The following EEPD1 variants were observed in gnomAD, a reference collection of about 807,000 sequenced individuals.
The protein encoded by EEPD1 is endonuclease/exonuclease/phosphatase family domain containing 1, also known as endonuclease/exonuclease/phosphatase family domain-containing protein 1.
In EEPD1, 17 loss-of-function variants were observed where a neutral mutation model predicts 46.3. The ratio of observed to expected loss-of-function variants is 0.37; its 90% CI spans 0.25 to 0.55. The LOEUF (loss-of-function observed/expected upper bound fraction) is 0.55. Among genes scored for constraint, EEPD1 ranks in the 20% least tolerant of loss-of-function variants. The pLI, the probability that EEPD1 is intolerant of heterozygous loss-of-function variation, is 0.83. For missense variants in EEPD1, 673 were observed against 745.6 expected (o/e 0.90, Z 1.13); for synonymous variants, 313 against 315.6 (o/e 0.99, Z 0.09).
chr7:36,258,785 A>G (rs1451051880), intron 3 of EEPD1, among the ~76,000 whole-genome samples: 1 of 151,844 alleles, frequency 6.6e-6, no homozygotes, highest in East Asian at 1.9e-4. Context: ...CCACTGAGCT[A>G]GACCCCTTGG....
chr7:36,179,704 A>T (rs1413332469), intron 2 of EEPD1, among the ~76,000 whole-genome samples: 1 of 151,572 alleles, frequency 6.6e-6, no homozygotes, highest in Admixed American at 6.6e-5. Context: ...TACTAAAAAA[A>T]AAAAAAAAAA....
At chr7:36,258,322 G>C (rs1330761785) in intron 3 of EEPD1, among the ~76,000 whole-genome samples, 5 of 152,218 alleles carry the variant, frequency 3.3e-5, no homozygotes, top group African/African-American at 1.2e-4. Flanking sequence ...CACTTGAGGA[G>C]GCAGTCTGTC....
At chr7:36,246,125 T>C (rs1269638362) in intron 3 of EEPD1, among the ~76,000 whole-genome samples, 1 of 152,238 alleles carries the variant, frequency 6.6e-6, no homozygotes, top group African/African-American at 2.4e-5. Context: ...GGCGGACCAC[T>C]GGCTGACCCA....
chr7:36,154,726 C>T lies in EEPD1; in HGVS notation c.402C>T (p.Thr134=). Reference sequence around the variant, plus strand: ...ACCTGGCCACAGCTGTGCCCCTCACCCCACGTGTTAACATCAACACAGCCA... The same window carrying T: ...ACCTGGCCACAGCTGTGCCCCTCACTCCACGTGTTAACATCAACACAGCCA... The part of the protein sequence containing the change: ...PHHLATAVPL[T]PRVNINTATP... The change falls in exon 2 of 8, where the codon ACC becomes ACT. Residue 134 remains threonine (T), a synonymous_variant. Transcript: ENST00000242108. The surrounding 1 kb of genome is among the most constrained non-coding windows in gnomAD (Gnocchi z 4.2). 3.1e-6 allele frequency: 5 copies of T among 1,614,026 alleles called. No individual in the cohort carries two copies. The highest frequency in any genetic ancestry group is 4.2e-6 in the Non-Finnish European group (5 of 1,180,024).
chr7:36,212,256 A>G (rs901317929), intron 2 of EEPD1, among the ~76,000 whole-genome samples: 4 of 152,138 alleles, frequency 2.6e-5, no homozygotes, highest in Non-Finnish European at 5.9e-5. Context: ...TAAGAAAGAT[A>G]CATTTCTAAA....
intron 2 of EEPD1, among the ~76,000 whole-genome samples, chr7:36,171,003 C>A (rs1186622264): frequency 6.6e-6 from 1 of 152,178 alleles, no homozygotes; most frequent in Admixed American, 6.5e-5. Context: ...CTCACAGCAG[C>A]CTCAAACTCC....
chr7:36,170,244 A>G (rs1041247868), intron 2 of EEPD1, among the ~76,000 whole-genome samples: 4 of 152,122 alleles, frequency 2.6e-5, no homozygotes, highest in Non-Finnish European at 5.9e-5. Flanking sequence ...CTCTGTCTCT[A>G]CTAAAAATAC....
At chr7:36,201,823 C>A (rs1258138864) in intron 2 of EEPD1, among the ~76,000 whole-genome samples, 1 of 150,168 alleles carries the variant, frequency 6.7e-6, no homozygotes, top group African/African-American at 2.5e-5. Flanking sequence ...GAGAAACTTT[C>A]TCTGTTTCTT....
intron 3 of EEPD1, among the ~76,000 whole-genome samples, chr7:36,246,037 C>G (rs777871803): frequency 1.3e-5 from 2 of 152,190 alleles, no homozygotes; most frequent in Non-Finnish European, 2.9e-5. Context: ...TTTTCAATGA[C>G]CCTTTCAAAT....
rs571242975 is a variant in EEPD1, at chr7:36,292,652, C to T, written c.1316-4341C>T. On this transcript the variant is annotated intron_variant, in intron 6 of 7. Transcript: ENST00000242108. ...CCTCCCAAGTAACTGGGATTACAGG[C>T]GCCCACCACTATGCCCAGCTGATTT... Among the ~76,000 whole-genome samples the T allele has an allele frequency of 1.0e-3, 159 of 152,074 alleles. 3 individuals carry two copies. The highest frequency in any genetic ancestry group is 1.0e-2 in the Admixed American group (152 of 15,250).
intron 2 of EEPD1, among the ~76,000 whole-genome samples, chr7:36,170,233 ACT>A (rs915829282): frequency 1.3e-4 from 19 of 151,944 alleles, no homozygotes; most frequent in Non-Finnish European, 2.8e-4. Flanking sequence ...ACATGATGAA[ACT>A]CTGTCTCTAC....
chr7:36,192,941 G>A (rs1785485011), intron 2 of EEPD1, among the ~76,000 whole-genome samples: 1 of 152,198 alleles, frequency 6.6e-6, no homozygotes, highest in Non-Finnish European at 1.5e-5. Context: ...AGGCTGTGCA[G>A]GGCATCCCTT....
At chr7:36,277,543 AGT>A in intron 3 of EEPD1, among the ~76,000 whole-genome samples, 1 of 152,304 alleles carries the variant, frequency 6.6e-6, no homozygotes, top group East Asian at 1.9e-4. Flanking sequence ...CAGGCTCCCA[AGT>A]GAGGTTGATG....
At chr7:36,270,007 C>G (rs949597206) in intron 3 of EEPD1, among the ~76,000 whole-genome samples, 1 of 152,150 alleles carries the variant, frequency 6.6e-6, no homozygotes, top group Non-Finnish European at 1.5e-5. Flanking sequence ...AGATGGCACA[C>G]TGAACAACAG....
intron 3 of EEPD1, among the ~76,000 whole-genome samples, chr7:36,264,141 A>T (rs1786974572): frequency 6.6e-6 from 1 of 152,202 alleles, no homozygotes; most frequent in Non-Finnish European, 1.5e-5. Context: ...AAGCAAGAAG[A>T]AAAACTAAGG....
At chr7:36,249,034 C>CACACACACACACAT (rs3221650) in intron 3 of EEPD1, among the ~76,000 whole-genome samples, 42 of 151,660 alleles carry the variant, frequency 2.8e-4, no homozygotes, top group Middle Eastern at 6.8e-3. Context: ...CACACACACA[C>CACACACACACACAT]ATTTTCTCCT....
In EEPD1 at chr7:36,158,397, C is replaced by G. The variant is rs114570039; in HGVS notation, c.878+3195C>G. On this transcript the variant is annotated intron_variant, in intron 2 of 7. Transcript: ENST00000242108. ...ATTGTAAAGGGATTTTAAAGATACCCTTAGGCAGTTCCTTTGCAAAGGGAA... is the reference window on the plus strand; with the variant it reads ...ATTGTAAAGGGATTTTAAAGATACCGTTAGGCAGTTCCTTTGCAAAGGGAA... Among the ~76,000 whole-genome samples the G allele has an allele frequency of 8.8e-3, 1,346 of 152,256 alleles. 20 individuals are homozygous for G. Among genetic ancestry groups the G allele is most frequent in the African/African-American group, 0.03 (1,259 of 41,544 alleles).
chr7:36,223,845 A>T (rs535961055), intron 2 of EEPD1, among the ~76,000 whole-genome samples: 10 of 152,320 alleles, frequency 6.6e-5, no homozygotes, highest in African/African-American at 2.4e-4. Flanking sequence ...AGTTTGTTAC[A>T]ACTGTGTCTG....
intron 2 of EEPD1, among the ~76,000 whole-genome samples, chr7:36,185,954 G>A (rs1785354319): frequency 6.6e-6 from 1 of 152,158 alleles, no homozygotes; most frequent in Admixed American, 6.5e-5. Flanking sequence ...TTTAACACTG[G>A]AACAAGTATA....
Sources: allele counts gnomAD v4.1 joint callset (sites outside exome capture counted in the v4.1 genomes callset), GRCh38; gene constraint gnomAD v4.1.1; non-coding constraint Gnocchi (gnomAD v3.1); transcripts MANE v1.5; gene names NCBI Gene and HGNC (gene_info 2026-07-23, HGNC 2026-07-21).